Variants in ZMYND11 observed in about 807,000 individuals in gnomAD.
The protein encoded by ZMYND11 is zinc finger MYND domain-containing protein 11.
In ZMYND11, 9 loss-of-function variants were observed where a neutral mutation model predicts 84.9. The observed-to-expected ratio is 0.11, with a 90% confidence interval of 0.06 to 0.18. The LOEUF (loss-of-function observed/expected upper bound fraction) is 0.18, where lower values mean the gene tolerates loss of function less well. ZMYND11 is among the 10% of genes least tolerant of loss of function. ZMYND11 has a pLI of 1.00. For synonymous variants in ZMYND11, 250 were observed against 244.1 expected (o/e 1.02, Z -0.23); for missense variants, 409 against 761.0 (o/e 0.54, Z 5.44).
At chr10:171,137 G>C (rs1554765573) in intron 1 of ZMYND11, among the ~76,000 whole-genome samples, 2 of 152,110 alleles carry the variant, frequency 1.3e-5, no homozygotes, top group Non-Finnish European at 2.9e-5. Context: ...TGCTTAATGT[G>C]TACGCACCTA....
chr10:254,090 G>A lies in ZMYND11; in HGVS notation c.*1620G>A, dbSNP rs1953968554. 6.6e-6 allele frequency: 1 copy of A among 152,520 alleles called. No homozygotes were observed. The highest frequency in any genetic ancestry group is 6.5e-5 in the Admixed American group (1 of 15,282). The allele number at this position is 152,520 out of a possible 1,614,324, so 9.4% of individuals were successfully genotyped here. On this transcript the variant is annotated 3_prime_UTR_variant, in exon 15 of 15. Coordinates refer to ENST00000381604, the MANE Select transcript of ZMYND11 (RefSeq NM_001370100.5). ...TTCCCTCCTTGTTGCTGTGTAATTA[G>A]TCAGTGTTGCCACAGTGTGTGGCGC...
intron 4 of ZMYND11, among the ~76,000 whole-genome samples, chr10:236,127 C>A (rs955715826): frequency 1.3e-5 from 2 of 152,188 alleles, no homozygotes; most frequent in African/African-American, 2.4e-5. Flanking sequence ...TGTTCGCGTG[C>A]CTGGAGTTTT....
At chr10:216,278 C>T (rs1334667887) in intron 3 of ZMYND11, among the ~76,000 whole-genome samples, 1 of 152,162 alleles carries the variant, frequency 6.6e-6, no homozygotes. Flanking sequence ...ACTCCCCAAC[C>T]CCCACAACCC....
chr10:187,012 G>C (rs1051821086), intron 2 of ZMYND11, among the ~76,000 whole-genome samples: 1 of 152,078 alleles, frequency 6.6e-6, no homozygotes, highest in Non-Finnish European at 1.5e-5. Flanking sequence ...GGGATCGCTT[G>C]AGAGTAGGAG....
At position 248,954 on chromosome 10, in the gene ZMYND11, G is replaced by A. The variant is rs1394229296; in HGVS notation, c.1552G>A (p.Ala518Thr). 2.5e-6 allele frequency: 4 copies of A among 1,614,134 alleles called. 1 individual carries two copies. In the African/African-American group the frequency reaches 5.3e-5, roughly 22 times the overall value. ...EKRQAVNKAV[A>T]NMQGEMDRKC... The stretch of plus-strand genomic sequence containing the variant: ...GAGACAAGCTGTAAATAAAGCTGTA[G>A]CCAACATGCAGGGTGAGATGGACAG... Residue 518 changes from alanine to threonine, a missense_variant, in exon 14 of 15, where the codon GCC (alanine) becomes ACC (threonine). Transcript: ENST00000381604.
intron 4 of ZMYND11, among the ~76,000 whole-genome samples, chr10:222,959 A>T (rs1265376579): frequency 6.6e-6 from 1 of 152,112 alleles, no homozygotes; most frequent in Non-Finnish European, 1.5e-5. Context: ...ATACCTTTGA[A>T]GAAAATGTTT....
At chr10:215,554 G>GTTT (rs1184243840) in intron 3 of ZMYND11, among the ~76,000 whole-genome samples, 2 of 148,686 alleles carry the variant, frequency 1.3e-5, no homozygotes, top group African/African-American at 2.5e-5. Context: ...GGGCATCTTT[G>GTTT]TTTTTTGTTT....
intron 9 of ZMYND11, among the ~76,000 whole-genome samples, chr10:241,810 C>A (rs751566830): frequency 2.0e-5 from 3 of 152,028 alleles, no homozygotes; most frequent in Admixed American, 1.3e-4. Context: ...TGCTCCAGTC[C>A]CGACCTCTTC....
intron 14 of ZMYND11, chr10:249,453 ATAAATG>A (rs1952881916): frequency 1.0e-6 from 1 of 985,072 alleles, no homozygotes; most frequent in African/African-American, 1.7e-5. Flanking sequence ...TGGTGAAATT[ATAAATG>A]TAATTATCAC....
At chr10:233,295 G>A (rs186732266) in intron 4 of ZMYND11, among the ~76,000 whole-genome samples, 28 of 152,292 alleles carry the variant, frequency 1.8e-4, no homozygotes, top group Admixed American at 1.6e-3. Flanking sequence ...GCGTGCACTG[G>A]TGCAGCCAAG....
chr10:170,592 A>G (rs1389269253), intron 1 of ZMYND11, among the ~76,000 whole-genome samples: 2 of 152,098 alleles, frequency 1.3e-5, no homozygotes, highest in Admixed American at 1.3e-4. Flanking sequence ...TTCACTGCCC[A>G]TGAAGCAGTA....
intron 2 of ZMYND11, among the ~76,000 whole-genome samples, chr10:180,690 G>A (rs1389054493): frequency 6.6e-6 from 1 of 152,222 alleles, no homozygotes; most frequent in Non-Finnish European, 1.5e-5. Flanking sequence ...GTGAGCCACT[G>A]CACCTGGCCA....
chr10:202,914 G>T (rs763959448), intron 2 of ZMYND11, among the ~76,000 whole-genome samples: 1 of 151,946 alleles, frequency 6.6e-6, no homozygotes, highest in Non-Finnish European at 1.5e-5. Flanking sequence ...AAAACCCATT[G>T]TGTGGTGAAA....
chr10:132,397 T>G (rs1378771379), upstream of ZMYND11, among the ~76,000 whole-genome samples: 1 of 151,946 alleles, frequency 6.6e-6, no homozygotes, highest in Non-Finnish European at 1.5e-5. Flanking sequence ...CTTCAGCATC[T>G]GTCTCTTACT....
intron 10 of ZMYND11, 78 bp downstream of exon 10, chr10:242,217 G>A: frequency 6.5e-7 from 1 of 1,536,644 alleles, no homozygotes. Context: ...TTCTCCATCA[G>A]AGATGCATGA....
intron 1 of ZMYND11, among the ~76,000 whole-genome samples, chr10:169,716 A>G (rs774759990): frequency 1.3e-5 from 2 of 152,148 alleles, no homozygotes; most frequent in Non-Finnish European, 1.5e-5. Context: ...TGAGCATATG[A>G]CAACTAGAAA....
chr10:254,282 G>GT lies in ZMYND11; in HGVS notation c.*1813dup, dbSNP rs1439057439. 3.3e-5 allele frequency: 5 copies of GT among 152,378 alleles called. No homozygotes were observed. The highest frequency in any genetic ancestry group is 1.2e-4 in the African/African-American group (5 of 41,350). The allele number at this position is 152,378 out of a possible 1,614,324, so 9.4% of individuals were successfully genotyped here. A position where few individuals can be genotyped will look rare whatever the true frequency, so the allele number is the denominator to read the frequency against. On this transcript the variant is annotated 3_prime_UTR_variant, in exon 15 of 15. Coordinates refer to ENST00000381604, the MANE Select transcript of ZMYND11 (RefSeq NM_001370100.5). ...TGATAGCTGCATGAAAGTGAGATTC[G>GT]TGTTACTTTGGCTTTTCTGTCTCTG...
chr10:243,234 G>T (rs184649587), intron 10 of ZMYND11, among the ~76,000 whole-genome samples: 122 of 152,294 alleles, frequency 8.0e-4, no homozygotes, highest in African/African-American at 2.8e-3. Flanking sequence ...TGTTGCTACA[G>T]AGAGACCTGA....
At chr10:143,432 A>C (rs1460397071) in intron 1 of ZMYND11, among the ~76,000 whole-genome samples, 1 of 152,196 alleles carries the variant, frequency 6.6e-6, no homozygotes, top group Non-Finnish European at 1.5e-5. Context: ...GCTGTTTTAG[A>C]GAGCAGGTCC....
Sources: gnomAD v4.1 joint callset for allele counts (sites outside exome capture counted in the v4.1 genomes callset) on GRCh38, gnomAD v4.1.1 for gene constraint, MANE v1.5 for transcripts, NCBI Gene and HGNC (gene_info 2026-07-23, HGNC 2026-07-21) for gene names.